The following ANTXRL variants were observed in gnomAD, a reference collection of about 807,000 sequenced individuals.
ANTXRL encodes anthrax toxin receptor-like.
Under a neutral mutation model 75.4 loss-of-function variants are expected in ANTXRL, and 63 were observed. The observed-to-expected ratio is 0.84, with a 90% CI of 0.68 to 1.03. ANTXRL has a LOEUF of 1.03. Among genes scored for constraint, ANTXRL ranks in the 50% least tolerant of loss-of-function variants. The pLI, the probability that ANTXRL is intolerant of heterozygous loss-of-function variation, is 0.00. For synonymous variants in ANTXRL, 335 were observed against 291.3 expected, an observed-to-expected ratio of 1.15 and a Z score of -1.53; for missense variants, 797 against 789.4, an observed-to-expected ratio of 1.01 and a Z score of -0.12.
rs1167229915 is a variant in ANTXRL at position 46,302,882 on chromosome 10, C to G, written c.895+62C>G. On this transcript the variant is annotated intron_variant, in intron 10 of 16. Coordinates refer to ENST00000620264, the MANE Select transcript of ANTXRL (RefSeq NM_001278688.3). ...TCCCACACAATGCTGCCTTTCCCCACAGCCAGCCAAGCCTCCCAGCCCTTG... is the reference window on the plus strand; with the variant it reads ...TCCCACACAATGCTGCCTTTCCCCAGAGCCAGCCAAGCCTCCCAGCCCTTG... The G allele has an allele frequency of 2.3e-6, 3 of 1,311,480 alleles. No individual in the cohort carries two copies. In the African/African-American group the frequency reaches 4.4e-5, roughly 19 times the overall value. The allele number at this position is 1,311,480 out of a possible 1,614,324, so 81.2% of individuals were successfully genotyped here. A position where few individuals can be genotyped will look rare whatever the true frequency, so the allele number is the denominator to read the frequency against.
chr10:46,299,946 C>T (rs1438313277), intron 9 of ANTXRL, among the ~76,000 whole-genome samples: 1 of 152,164 alleles, frequency 6.6e-6, no homozygotes, highest in Non-Finnish European at 1.5e-5. Context: ...GGCTCTCCTC[C>T]CCCTCGGGGT....
rs1366155679 is a variant in ANTXRL, at chr10:46,293,910, G to T, written c.392+10G>T. The T allele has an allele frequency of 1.3e-5, 20 of 1,535,202 alleles. No homozygotes were observed. Among genetic ancestry groups the T allele is most frequent in the Middle Eastern group, 1.7e-4 (1 of 6,002 alleles). On this transcript the variant is annotated intron_variant, in intron 3 of 16. Coordinates refer to ENST00000620264, the MANE Select transcript of ANTXRL (RefSeq NM_001278688.3). ...CACTCACCTCAGACAAGTGAGTGCT[G>T]CTTTGAGCCCCAAAGGGAGGCCTGA...
intron 16 of ANTXRL, 100 bp from the exon 17 acceptor site, chr10:46,329,499 A>T: frequency 7.0e-7 from 1 of 1,429,652 alleles, no homozygotes; most frequent in Non-Finnish European, 9.2e-7. Flanking sequence ...GTGGGTCCCG[A>T]TGGGTCCTGG....
chr10:46,323,814 T>C lies in ANTXRL; in HGVS notation c.1411-5785T>C, dbSNP rs60731780. On this transcript the variant is annotated intron_variant, in intron 16 of 16. Transcript: ENST00000620264. ...GGCTGTCATAAGGCCAGTTTCATGG[T>C]TAAAAGCCTGGACTGTCTTTCCGAG... Among the ~76,000 whole-genome samples the C allele has an allele frequency of 9.1e-3, 1,388 of 152,266 alleles. 39 individuals are homozygous for C. Among genetic ancestry groups the C allele is most frequent in the African/African-American group, 0.032 (1,316 of 41,524 alleles).
chr10:46,287,887 T>C (rs1405548410), intron 1 of ANTXRL, among the ~76,000 whole-genome samples: 1 of 152,160 alleles, frequency 6.6e-6, no homozygotes, highest in African/African-American at 2.4e-5. Flanking sequence ...TTTGCTTGTT[T>C]GTTTTTTCAC....
At chr10:46,304,354 A>G (rs1554961334) in intron 10 of ANTXRL, among the ~76,000 whole-genome samples, 1 of 152,130 alleles carries the variant, frequency 6.6e-6, no homozygotes, top group Non-Finnish European at 1.5e-5. Flanking sequence ...TAATGTGCAT[A>G]ATCAGGGAGG....
intron 12 of ANTXRL, among the ~76,000 whole-genome samples, chr10:46,308,033 C>T (rs1838196098): frequency 6.6e-6 from 1 of 152,182 alleles, no homozygotes; most frequent in African/African-American, 2.4e-5. Context: ...CCCCAGGTGC[C>T]TGCTCTTCAG....
chr10:46,290,372 T>C, intron 1 of ANTXRL, among the ~76,000 whole-genome samples: 1 of 152,160 alleles, frequency 6.6e-6, no homozygotes, highest in East Asian at 1.9e-4. Context: ...GATGGACACT[T>C]GGGTTGCTTC....
At chr10:46,301,012 A>C (rs1588819165) in intron 9 of ANTXRL, among the ~76,000 whole-genome samples, 5 of 119,458 alleles carry the variant, frequency 4.2e-5, no homozygotes, top group South Asian at 2.7e-4. Flanking sequence ...TCATCCATCC[A>C]CCTTGAAAAA....
At chr10:46,305,556 C>T (rs1838025830) in intron 10 of ANTXRL, among the ~76,000 whole-genome samples, 1 of 152,114 alleles carries the variant, frequency 6.6e-6, no homozygotes, top group African/African-American at 2.4e-5. Flanking sequence ...AGTTAATGGG[C>T]CCTGGGAAGC....
At chr10:46,301,560 C>T in intron 9 of ANTXRL, among the ~76,000 whole-genome samples, 1 of 152,312 alleles carries the variant, frequency 6.6e-6, no homozygotes, top group Non-Finnish European at 1.5e-5. Flanking sequence ...AGCTCCTCAT[C>T]TGAGGAGCAT....
Position 46,309,128 on chromosome 10 carries a change from TG to T in ANTXRL, c.1062del (p.Trp354CysfsTer67). The T allele has an allele frequency of 6.6e-7, 1 of 1,524,288 alleles. No homozygotes were observed. Among genetic ancestry groups the T allele is most frequent in the Non-Finnish European group, 8.7e-7 (1 of 1,146,350 alleles). 94.4% of individuals were successfully genotyped at this position (1,524,288 alleles called of 1,614,324 possible). On this transcript the variant is annotated frameshift_variant, in exon 13 of 17. Transcript: ENST00000620264. LOFTEE classifies it high-confidence loss of function. ...TCTCCACCAGGGCATTTTCCGCAAC[TG>T]GCTCTATTTTGTGCCACTCCTGCTG... ...TSTTCGIFRN[W>X]LYFVPLLLLV...
chr10:46,306,157 T>A (rs1262316790), intron 10 of ANTXRL, among the ~76,000 whole-genome samples: 1 of 152,190 alleles, frequency 6.6e-6, no homozygotes, highest in Non-Finnish European at 1.5e-5. Context: ...TTACCTGGGA[T>A]CTTTGCCTGG....
In ANTXRL at chr10:46,296,563, C is replaced by T. The variant is rs547929970; in HGVS notation, c.508+311C>T. 1.1e-4 allele frequency among the ~76,000 whole-genome samples: 16 copies of T among 152,264 alleles called. No homozygotes were observed. In the South Asian group the frequency reaches 1.9e-3, roughly 18 times the overall value. On this transcript the variant is annotated intron_variant, in intron 5 of 16. Transcript: ENST00000620264. ...AGCCAAGGGGTTTGCCCCTTGCACACACCTTAGCCTTCCTCCTCCCTTGCA... is the reference window on the plus strand; with the variant it reads ...AGCCAAGGGGTTTGCCCCTTGCACATACCTTAGCCTTCCTCCTCCCTTGCA...
At chr10:46,306,695 A>G (rs1274552126) in intron 10 of ANTXRL, 108 bp from the exon 11 acceptor site, 12 of 943,244 alleles carry the variant, frequency 1.3e-5, no homozygotes, top group Non-Finnish European at 1.8e-5. Flanking sequence ...CAGAGCCCAC[A>G]TGCCGGTCCT....
chr10:46,300,213 G>A (rs1837637443), intron 9 of ANTXRL, among the ~76,000 whole-genome samples: 1 of 152,178 alleles, frequency 6.6e-6, no homozygotes. Flanking sequence ...TCAGCTGTCG[G>A]CTGAGTTGTG....
chr10:46,317,814 C>A (rs558608701), intron 16 of ANTXRL, among the ~76,000 whole-genome samples: 1 of 152,246 alleles, frequency 6.6e-6, no homozygotes, highest in East Asian at 1.9e-4. Context: ...TGATTGTTTG[C>A]CAATCACTTC....
chr10:46,289,824 A>G (rs1191516598), intron 1 of ANTXRL, among the ~76,000 whole-genome samples: 1 of 151,946 alleles, frequency 6.6e-6, no homozygotes, highest in Non-Finnish European at 1.5e-5. Context: ...CCTTTAGTGT[A>G]TTTTCTCTAT....
At position 46,309,800 on chromosome 10, in the gene ANTXRL, TCTGTC is replaced by T. The variant is rs1404199392; in HGVS notation, c.1134+604_1134+608del. ...CCATTCCCCACAGGCAGCTCACAGT[TCTGTC>T]CTGTCATGGCTGAGGGTGAAATGTC... On this transcript the variant is annotated intron_variant, in intron 13 of 16. Transcript: ENST00000620264. Among the ~76,000 whole-genome samples the T allele has an allele frequency of 2.0e-5, 3 of 152,232 alleles. No individual in the cohort carries two copies. In the South Asian group the frequency reaches 6.2e-4, roughly 32 times the overall value.
Sources: allele counts gnomAD v4.1 joint callset (sites outside exome capture counted in the v4.1 genomes callset), GRCh38; gene constraint gnomAD v4.1.1; transcripts MANE v1.5; gene names NCBI Gene and HGNC (gene_info 2026-07-23, HGNC 2026-07-21).